The following CADPS variants were observed in gnomAD, a reference collection of about 807,000 sequenced individuals.
CADPS encodes calcium dependent secretion activator.
A neutral mutation model predicts 167.3 loss-of-function variants in CADPS; 57 were observed. The ratio of observed to expected loss-of-function variants is 0.34; its 90% CI spans 0.28 to 0.42. The LOEUF (loss-of-function observed/expected upper bound fraction) is 0.42. CADPS is among the 20% of genes least tolerant of loss of function. The pLI is 1.00. For synonymous variants in CADPS, 676 were observed against 635.3 expected, an observed-to-expected ratio of 1.06 and a Z score of -0.96; for missense variants, 1,414 against 1,738.1, an observed-to-expected ratio of 0.81 and a Z score of 3.32.
At chr3:62,653,169 T>G (rs183745983) in intron 4 of CADPS, among the ~76,000 whole-genome samples, 2 of 152,328 alleles carry the variant, frequency 1.3e-5, no homozygotes, top group Admixed American at 6.5e-5. Flanking sequence ...GGATTGAATG[T>G]TTGTGTCCTT....
At chr3:62,444,059 C>G (rs1261995943) in intron 27 of CADPS, among the ~76,000 whole-genome samples, 2 of 152,132 alleles carry the variant, frequency 1.3e-5, no homozygotes, top group African/African-American at 2.4e-5. Context: ...CTAACATAAC[C>G]TGATGTTAGT....
At chr3:62,700,938 G>A (rs890313073) in intron 3 of CADPS, among the ~76,000 whole-genome samples, 2 of 152,066 alleles carry the variant, frequency 1.3e-5, no homozygotes, top group Admixed American at 6.5e-5. Context: ...GCATGGTCAG[G>A]ATCTGGTGAG....
intron 7 of CADPS, among the ~76,000 whole-genome samples, chr3:62,586,021 T>C (rs1273221317): frequency 6.6e-6 from 1 of 152,212 alleles, no homozygotes. Flanking sequence ...ATTCTTATTG[T>C]CTGGAATTCT....
chr3:62,516,077 C>G lies in CADPS; in HGVS notation c.2563G>C (p.Glu855Gln). 7 of 1,613,186 alleles carry G rather than the reference C, an allele frequency of 4.3e-6. No individual in the cohort carries two copies. Among genetic ancestry groups the G allele is most frequent in the Non-Finnish European group, 5.9e-6 (7 of 1,179,362 alleles). Residue 855 changes from glutamate (E) to glutamine (Q), a missense_variant, in exon 16 of 30, where the codon GAG (glutamate) becomes CAG (glutamine). Glu to Gln is a conservative substitution (Grantham distance 29). Transcript: ENST00000383710. Reference protein sequence around the residue: ...AALVNYSRLSEYAKIEENQKD... With the variant: ...AALVNYSRLSQYAKIEENQKD... ...GCCTTACCTTCGATTTTGGCATACT[C>G]TGAGAGCCGAGAATAGTTGACTAAC... is the stretch of plus-strand genomic sequence containing the variant.
intron 6 of CADPS, among the ~76,000 whole-genome samples, chr3:62,644,307 T>C (rs2068056466): frequency 6.6e-6 from 1 of 152,130 alleles, no homozygotes; most frequent in Non-Finnish European, 1.5e-5. Flanking sequence ...TTAGTCTAGA[T>C]GGGCTTAACT....
intron 28 of CADPS, among the ~76,000 whole-genome samples, chr3:62,436,359 C>T (rs976049754): frequency 2.6e-5 from 4 of 152,036 alleles, no homozygotes; most frequent in Non-Finnish European, 5.9e-5. Flanking sequence ...AACTGAGAAT[C>T]GGAAGATACT....
chr3:62,431,189 C>T (rs900357752), intron 28 of CADPS, among the ~76,000 whole-genome samples: 2 of 152,090 alleles, frequency 1.3e-5, no homozygotes, highest in South Asian at 4.1e-4. Flanking sequence ...AAGGACCCTT[C>T]CCAATAGTAT....
intron 28 of CADPS, among the ~76,000 whole-genome samples, chr3:62,406,729 G>T (rs905785073): frequency 3.3e-5 from 5 of 152,136 alleles, no homozygotes; most frequent in African/African-American, 1.2e-4. Context: ...TATGCCCTCT[G>T]GGGAAAATTC....
At chr3:62,822,147 AATTTCCCTTTTGCC>A (rs6147849) in intron 1 of CADPS, among the ~76,000 whole-genome samples, 5,968 of 152,216 alleles carry the variant, frequency 0.039, 396 homozygotes, top group African/African-American at 0.14. Context: ...CAACTGAGAT[AATTTCCCTTTTGCC>A]ATAGAACTTA....
At chr3:62,425,377 G>T (rs2052426994) in intron 28 of CADPS, among the ~76,000 whole-genome samples, 1 of 152,092 alleles carries the variant, frequency 6.6e-6, no homozygotes, top group Admixed American at 6.5e-5. Context: ...ATGTGCTGTA[G>T]GGGACAAAAT....
At chr3:62,718,472 T>A (rs980406398) in intron 3 of CADPS, among the ~76,000 whole-genome samples, 7 of 152,196 alleles carry the variant, frequency 4.6e-5, no homozygotes, top group Admixed American at 1.3e-4. Flanking sequence ...TCTGTACAGG[T>A]CCAAAGGGCA....
intron 6 of CADPS, among the ~76,000 whole-genome samples, chr3:62,618,234 C>A (rs2149423919): frequency 6.6e-6 from 1 of 152,132 alleles, no homozygotes; most frequent in South Asian, 2.1e-4. Flanking sequence ...TAAAGACCAC[C>A]CAGAGGAAAA....
chr3:62,660,389 G>T (rs1469987365), intron 4 of CADPS, among the ~76,000 whole-genome samples: 2 of 152,256 alleles, frequency 1.3e-5, no homozygotes, highest in East Asian at 3.9e-4. Flanking sequence ...CTTTATTAAT[G>T]TTTACTGTCA....
chr3:62,603,586 A>C (rs996039936), intron 6 of CADPS, among the ~76,000 whole-genome samples: 2 of 152,196 alleles, frequency 1.3e-5, no homozygotes, highest in Non-Finnish European at 2.9e-5. Context: ...GTCTGTTTGC[A>C]TACCTGTATA....
rs887437909 is a variant in CADPS at position 62,602,385 on chromosome 3, T to C, written c.1326-9637A>G. Among the ~76,000 whole-genome samples the C allele has an allele frequency of 6.6e-6, 1 of 152,120 alleles. No individual in the cohort carries two copies. The highest frequency in any genetic ancestry group is 1.5e-5 in the Non-Finnish European group (1 of 68,022). ...TATACGGCTCATGTGAACTGGGTGT[T>C]AAATTGGTGCGGTTCATAAAATTAA... On this transcript the variant is annotated intron_variant, in intron 6 of 29. Coordinates refer to ENST00000383710, the MANE Select transcript of CADPS (RefSeq NM_003716.4). The surrounding 1 kb of genome is among the most constrained non-coding windows in gnomAD (Gnocchi z 4.4).
chr3:62,687,734 A>AG (rs2078325598), intron 3 of CADPS, among the ~76,000 whole-genome samples: 1 of 128,336 alleles, frequency 7.8e-6, no homozygotes, highest in Non-Finnish European at 1.6e-5. Context: ...TTCCCTTCGC[A>AG]TTTTTTTTTT....
chr3:62,517,147 T>C (rs372842450), intron 14 of CADPS, among the ~76,000 whole-genome samples: 16 of 152,096 alleles, frequency 1.1e-4, no homozygotes, highest in African/African-American at 3.9e-4. Context: ...CTACCGGTAA[T>C]GCATTTTACA....
At chr3:62,776,963 C>G (rs569150215) in intron 1 of CADPS, among the ~76,000 whole-genome samples, 2 of 152,230 alleles carry the variant, frequency 1.3e-5, no homozygotes, top group African/African-American at 4.8e-5. Context: ...TCTCTTTTGT[C>G]AGTTACAATC....
intron 18 of CADPS, among the ~76,000 whole-genome samples, chr3:62,494,917 C>A (rs926701799): frequency 6.6e-6 from 1 of 152,068 alleles, no homozygotes; most frequent in Non-Finnish European, 1.5e-5. Context: ...CCTGCCTCGG[C>A]CTCCCAAAGT....
Sources: gnomAD v4.1 joint callset for allele counts (sites outside exome capture counted in the v4.1 genomes callset) on GRCh38, gnomAD v4.1.1 for gene constraint, Gnocchi (gnomAD v3.1) non-coding constraint, MANE v1.5 for transcripts, NCBI Gene and HGNC (gene_info 2026-07-23, HGNC 2026-07-21) for gene names.